The following PDCD6IP variants were observed in gnomAD, a reference collection of about 807,000 sequenced individuals.
PDCD6IP encodes the protein programmed cell death 6-interacting protein.
PDCD6IP carries 43 observed loss-of-function variants against 103.7 expected under a neutral mutation model. The ratio of observed to expected loss-of-function variants is 0.41; its 90% CI spans 0.32 to 0.53. The LOEUF (loss-of-function observed/expected upper bound fraction) is 0.53. Ranked by LOEUF, PDCD6IP falls within the 20% of genes least tolerant of loss-of-function variation. PDCD6IP has a pLI of 0.16. For synonymous variants in PDCD6IP, 354 were observed against 378.7 expected (o/e 0.93, Z 0.76); for missense variants, 871 against 1,036.7 (o/e 0.84, Z 2.20).
intron 15 of PDCD6IP, 114 bp downstream of exon 15, chr3:33,855,374 G>C (rs1697803891): frequency 1.6e-6 from 1 of 633,820 alleles, no homozygotes; most frequent in African/African-American, 1.8e-5. Flanking sequence ...TCTTCTCATG[G>C]AAGAAGGAAC....
In PDCD6IP at chr3:33,864,004, A is replaced by T; in HGVS notation, c.2121-2A>T. The T allele has an allele frequency of 6.2e-7, 1 of 1,605,866 alleles. No individual in the cohort carries two copies. Among genetic ancestry groups the T allele is most frequent in the Non-Finnish European group, 8.5e-7 (1 of 1,172,842 alleles). On this transcript the variant is annotated splice_acceptor_variant, in intron 15 of 17. Coordinates refer to ENST00000307296, the MANE Select transcript of PDCD6IP (RefSeq NM_013374.6). LOFTEE classifies it high-confidence loss of function. ...AATTTTTAACACTCTGTCTTTGATA[A>T]GGGACTTGCAACAAAGCATTGCCAG...
intron 11 of PDCD6IP, among the ~76,000 whole-genome samples, chr3:33,845,019 T>C (rs1226003370): frequency 6.6e-6 from 1 of 151,282 alleles, no homozygotes; most frequent in Non-Finnish European, 1.5e-5. Context: ...TCATATATTA[T>C]TGAGATTTTT....
At chr3:33,855,327 T>C in intron 15 of PDCD6IP, 67 bp downstream of exon 15, 2 of 987,904 alleles carry the variant, frequency 2.0e-6, no homozygotes, top group Admixed American at 1.8e-5. Context: ...GTAGAGACTT[T>C]TGGTATGAAC....
intron 7 of PDCD6IP, among the ~76,000 whole-genome samples, chr3:33,829,995 T>G (rs1697212471): frequency 6.6e-6 from 1 of 152,148 alleles, no homozygotes; most frequent in Admixed American, 6.6e-5. Context: ...CCCTCTCCCA[T>G]GATAATGACA....
intron 15 of PDCD6IP, among the ~76,000 whole-genome samples, chr3:33,861,183 C>A (rs573534705): frequency 6.7e-6 from 1 of 149,918 alleles, no homozygotes; most frequent in South Asian, 2.1e-4. Context: ...CTTGCTCTGT[C>A]GCTCAGGCTG....
At position 33,826,572 on chromosome 3, in the gene PDCD6IP, C is replaced by T. The variant is rs1222267109; in HGVS notation, c.709C>T (p.Leu237Phe). The T allele has an allele frequency of 1.2e-6, 2 of 1,610,786 alleles. No individual in the cohort carries two copies. The highest frequency in any genetic ancestry group is 2.7e-5 in the African/African-American group (2 of 74,850). ...AFKQCQYKDTLPKEVFPVLAA... is the reference protein window; with the variant it reads ...AFKQCQYKDTFPKEVFPVLAA... ...CAAACAGTGTCAATACAAAGATACT[C>T]TCCCCAAGGTCAGTTATTGTTTTTA... The change falls in exon 6 of 18, where the codon CTC becomes TTC. Residue 237 changes from leucine (L) to phenylalanine (F), a missense_variant. By Grantham distance (22) the Leu-to-Phe change is conservative. Transcript: ENST00000307296.
At chr3:33,817,106 A>C (rs1696870516) in intron 3 of PDCD6IP, among the ~76,000 whole-genome samples, 1 of 152,218 alleles carries the variant, frequency 6.6e-6, no homozygotes, top group Admixed American at 6.5e-5. Context: ...GTTGATATGT[A>C]AAGTTATATC....
intron 15 of PDCD6IP, among the ~76,000 whole-genome samples, chr3:33,859,662 A>T (rs1344234051): frequency 6.6e-6 from 1 of 152,228 alleles, no homozygotes; most frequent in Non-Finnish European, 1.5e-5. Context: ...CAAGAATCTG[A>T]AAGTTTGATA....
At chr3:33,863,713 A>G (rs750051190) in intron 15 of PDCD6IP, among the ~76,000 whole-genome samples, 5 of 152,218 alleles carry the variant, frequency 3.3e-5, no homozygotes, top group South Asian at 2.1e-4. Flanking sequence ...AAGTGCTGCA[A>G]TAAACATGGG....
chr3:33,819,597 T>C (rs1368799992), intron 3 of PDCD6IP, among the ~76,000 whole-genome samples: 1 of 152,194 alleles, frequency 6.6e-6, no homozygotes, highest in Non-Finnish European at 1.5e-5. Flanking sequence ...CTGGCCTTTA[T>C]TACCTAGGAG....
chr3:33,847,993 C>G (rs114488504), intron 12 of PDCD6IP, among the ~76,000 whole-genome samples: 2,328 of 151,950 alleles, frequency 0.015, 24 homozygotes, highest in South Asian at 0.027. Context: ...AAAAAAAAAC[C>G]CTTTACCTCC....
At chr3:33,830,084 G>A (rs1697214091) in intron 7 of PDCD6IP, among the ~76,000 whole-genome samples, 1 of 152,124 alleles carries the variant, frequency 6.6e-6, no homozygotes, top group African/African-American at 2.4e-5. Flanking sequence ...CTTTGGGATT[G>A]GGAACACATG....
intron 15 of PDCD6IP, among the ~76,000 whole-genome samples, chr3:33,862,194 A>G (rs1260133575): frequency 1.3e-5 from 2 of 152,074 alleles, no homozygotes; most frequent in African/African-American, 4.8e-5. Context: ...GATATTGATT[A>G]AAAACTTATT....
chr3:33,818,753 G>A (rs1311263490), intron 3 of PDCD6IP, among the ~76,000 whole-genome samples: 2 of 151,922 alleles, frequency 1.3e-5, no homozygotes, highest in African/African-American at 4.8e-5. Context: ...TCTTGACCTC[G>A]TGATCTGTCC....
intron 3 of PDCD6IP, among the ~76,000 whole-genome samples, chr3:33,820,139 C>G (rs757181201): frequency 2.0e-5 from 3 of 152,010 alleles, no homozygotes; most frequent in Non-Finnish European, 4.4e-5. Context: ...CAAAAATTAG[C>G]CGGGTATGGT....
At chr3:33,862,925 T>A (rs1235727997) in intron 15 of PDCD6IP, among the ~76,000 whole-genome samples, 1 of 152,200 alleles carries the variant, frequency 6.6e-6, no homozygotes, top group East Asian at 1.9e-4. Flanking sequence ...TAGCTGTAAC[T>A]GTGATCTCTG....
intron 3 of PDCD6IP, among the ~76,000 whole-genome samples, chr3:33,814,300 C>G (rs1696784841): frequency 6.6e-6 from 1 of 151,930 alleles, no homozygotes. Context: ...GCCACCACAC[C>G]TGGGTAATTT....
intron 12 of PDCD6IP, among the ~76,000 whole-genome samples, chr3:33,848,123 T>C (rs1402432429): frequency 2.0e-5 from 3 of 152,224 alleles, no homozygotes; most frequent in African/African-American, 7.2e-5. Flanking sequence ...TGATTTCTCA[T>C]GACAGAAAGT....
At chr3:33,822,141 A>G in intron 4 of PDCD6IP, 59 bp downstream of exon 4, 2 of 1,552,670 alleles carry the variant, frequency 1.3e-6, no homozygotes, top group Admixed American at 3.5e-5. Context: ...TAAGTGGAAA[A>G]TAATTTGCAT....
Sources: gnomAD v4.1 joint callset for allele counts (sites outside exome capture counted in the v4.1 genomes callset) on GRCh38, gnomAD v4.1.1 for gene constraint, MANE v1.5 for transcripts, NCBI Gene and HGNC (gene_info 2026-07-23, HGNC 2026-07-21) for gene names.